Variants in INPP4B observed in about 807,000 individuals in gnomAD.
INPP4B encodes the protein inositol polyphosphate 4-phosphatase type II.
INPP4B carries 55 observed loss-of-function variants against 122.5 expected under a neutral mutation model. That is an observed-to-expected ratio of 0.45 (90% CI 0.36 to 0.56). The LOEUF (loss-of-function observed/expected upper bound fraction) is 0.56, where lower values mean the gene tolerates loss of function less well. INPP4B is among the 20% of genes least tolerant of loss of function. The probability of loss-of-function intolerance (pLI) is 0.00; values close to 1 mark genes in which losing one functional copy is unlikely to be tolerated. For missense variants in INPP4B, 1,000 were observed against 1,097.7 expected (o/e 0.91, Z 1.26); for synonymous variants, 403 against 388.7 (o/e 1.04, Z -0.43).
At chr4:142,230,578 G>A (rs1579367410) in intron 12 of INPP4B, among the ~76,000 whole-genome samples, 1 of 142,934 alleles carries the variant, frequency 7.0e-6, no homozygotes. Context: ...CAGGAGGCGA[G>A]GTTTTGGTGA....
At chr4:142,264,691 T>C (rs976373549) in intron 10 of INPP4B, among the ~76,000 whole-genome samples, 1 of 152,206 alleles carries the variant, frequency 6.6e-6, no homozygotes, top group African/African-American at 2.4e-5. Flanking sequence ...TTTTATTCCA[T>C]GCTCTGGAAT....
intron 2 of INPP4B, among the ~76,000 whole-genome samples, chr4:142,546,329 G>T (rs191639392): frequency 3.1e-4 from 47 of 152,160 alleles, no homozygotes; most frequent in Admixed American, 1.1e-3. Context: ...ACTTTATTCA[G>T]TCTATCATTG....
chr4:142,318,557 C>T (rs1043940523), intron 7 of INPP4B, among the ~76,000 whole-genome samples: 1 of 152,136 alleles, frequency 6.6e-6, no homozygotes, highest in African/African-American at 2.4e-5. Flanking sequence ...CTCCCTGTCC[C>T]TTCCTGGAAC....
intron 2 of INPP4B, among the ~76,000 whole-genome samples, chr4:142,661,111 G>C (rs1011667769): frequency 5.3e-4 from 81 of 152,224 alleles, no homozygotes; most frequent in African/African-American, 1.9e-3. Context: ...GTGGACCTGG[G>C]ATTCAAACGC....
At chr4:142,291,132 C>T (rs1579619272) in intron 9 of INPP4B, among the ~76,000 whole-genome samples, 3 of 152,082 alleles carry the variant, frequency 2.0e-5, no homozygotes, top group Non-Finnish European at 4.4e-5. Context: ...CTTCCAGGAA[C>T]ATAGGAATTA....
At chr4:142,135,659 G>A (rs1803708732) in intron 18 of INPP4B, among the ~76,000 whole-genome samples, 1 of 152,100 alleles carries the variant, frequency 6.6e-6, no homozygotes. Flanking sequence ...GTGTGACAAC[G>A]TAAATGACAG....
intron 17 of INPP4B, among the ~76,000 whole-genome samples, chr4:142,153,308 C>T (rs1473433303): frequency 6.6e-6 from 1 of 152,120 alleles, no homozygotes; most frequent in Non-Finnish European, 1.5e-5. Flanking sequence ...ATAAATCAAG[C>T]CAACAGTCTA....
chr4:142,109,148 T>C (rs1417458554), intron 22 of INPP4B, among the ~76,000 whole-genome samples: 3 of 152,162 alleles, frequency 2.0e-5, no homozygotes, highest in East Asian at 1.9e-4. Context: ...TCCTTTTTTT[T>C]TTTTCTCAAC....
intron 2 of INPP4B, among the ~76,000 whole-genome samples, chr4:142,549,154 C>T (rs144836466): frequency 4.6e-5 from 7 of 152,218 alleles, no homozygotes; most frequent in Non-Finnish European, 7.4e-5. Context: ...TCACTTAACC[C>T]GCACTGCACA....
intron 2 of INPP4B, among the ~76,000 whole-genome samples, chr4:142,710,532 TAAA>T (rs2150793233): frequency 6.6e-6 from 1 of 152,246 alleles, no homozygotes; most frequent in African/African-American, 2.4e-5. Context: ...AAAAAGATAA[TAAA>T]GAGGAGAATG....
At chr4:142,745,678 C>CA (rs1051121914) in intron 1 of INPP4B, among the ~76,000 whole-genome samples, 3 of 151,026 alleles carry the variant, frequency 2.0e-5, no homozygotes, top group East Asian at 3.9e-4. Flanking sequence ...AGAGTGCCTA[C>CA]AAAAAAGTCG....
chr4:142,798,228 G>T (rs780872321), intron 1 of INPP4B, among the ~76,000 whole-genome samples: 41 of 151,784 alleles, frequency 2.7e-4, no homozygotes, highest in Non-Finnish European at 4.3e-4. Context: ...CACATAAAAA[G>T]CAACCCAAAA....
chr4:142,625,590 T>C (rs1746168679), intron 2 of INPP4B, among the ~76,000 whole-genome samples: 1 of 152,058 alleles, frequency 6.6e-6, no homozygotes, highest in Non-Finnish European at 1.5e-5. Context: ...GCCATCCCCA[T>C]CAAGCTACCA....
At chr4:142,100,224 G>A (rs910838498) in intron 23 of INPP4B, among the ~76,000 whole-genome samples, 2 of 152,098 alleles carry the variant, frequency 1.3e-5, no homozygotes, top group African/African-American at 2.4e-5. Context: ...AGGAGCCAGA[G>A]TGAGAGTCAA....
chr4:142,586,409 G>A (rs1736222082), intron 2 of INPP4B, among the ~76,000 whole-genome samples: 1 of 152,176 alleles, frequency 6.6e-6, no homozygotes, highest in South Asian at 2.1e-4. Context: ...GCAAGAGAGA[G>A]ACAAAGGGTC....
At chr4:142,494,541 A>G (rs1020077800) in intron 2 of INPP4B, among the ~76,000 whole-genome samples, 4 of 151,980 alleles carry the variant, frequency 2.6e-5, no homozygotes, top group Non-Finnish European at 5.9e-5. Context: ...ATTCCCTCAA[A>G]TTGGAAAATG....
At chr4:142,463,456 G>A (rs1817123988) in intron 2 of INPP4B, among the ~76,000 whole-genome samples, 1 of 152,190 alleles carries the variant, frequency 6.6e-6, no homozygotes, top group African/African-American at 2.4e-5. Flanking sequence ...TCCACTGGGA[G>A]AGGATAGCTG....
intron 2 of INPP4B, among the ~76,000 whole-genome samples, chr4:142,468,835 G>T (rs900916705): frequency 5.3e-5 from 8 of 152,028 alleles, no homozygotes; most frequent in Non-Finnish European, 1.0e-4. Flanking sequence ...AGCCTCAGGT[G>T]TTCTTTTATA....
At chr4:142,036,956 G>A (rs1744329658) in intron 25 of INPP4B, among the ~76,000 whole-genome samples, 1 of 152,150 alleles carries the variant, frequency 6.6e-6, no homozygotes, top group South Asian at 2.1e-4. Context: ...AGTGCAAAAT[G>A]CAAGGGATGT....
Sources: gnomAD v4.1 joint callset for allele counts (sites outside exome capture counted in the v4.1 genomes callset) on GRCh38, gnomAD v4.1.1 for gene constraint, MANE v1.5 for transcripts, NCBI Gene and HGNC (gene_info 2026-07-23, HGNC 2026-07-21) for gene names.